The following BLM variants were observed in gnomAD, a reference collection of about 807,000 sequenced individuals.
BLM encodes BLM RecQ like helicase.
In BLM, 95 loss-of-function variants were observed where a neutral mutation model predicts 135.3. That is an observed-to-expected ratio of 0.70 (90% CI 0.59 to 0.83). BLM has a LOEUF of 0.83. Ranked by LOEUF, BLM falls within the 40% of genes least tolerant of loss-of-function variation. The pLI is 0.00. For missense variants in BLM, 1,518 were observed against 1,663.9 expected, an observed-to-expected ratio of 0.91 and a Z score of 1.53; for synonymous variants, 520 against 589.2, an observed-to-expected ratio of 0.88 and a Z score of 1.70.
intron 12 of BLM, 73 bp downstream of exon 12, chr15:90,769,659 C>A: frequency 2.0e-6 from 3 of 1,534,514 alleles, no homozygotes; most frequent in Non-Finnish European, 2.7e-6. Flanking sequence ...GTTAGAATCA[C>A]CTGTGGCGCT....
chr15:90,804,172 C>G lies in BLM; in HGVS notation c.3564C>G (p.Asp1188Glu). The G allele has an allele frequency of 1.9e-6, 3 of 1,613,590 alleles. No individual in the cohort carries two copies. The highest frequency in any genetic ancestry group is 2.5e-6 in the Non-Finnish European group (3 of 1,179,642). The change falls in exon 19 of 22, where the codon GAC becomes GAG. Residue 1188 changes from aspartate to glutamate, a missense_variant. This residue lies in a region of BLM where 626 missense variants were observed against 681.1 expected (regional missense o/e 0.92). Coordinates refer to ENST00000355112, the MANE Select transcript of BLM (RefSeq NM_000057.4). ...TTTGTTTCTCTCTCATAAAGGTAGA[C>G]TTTATGGAAACAGAAAATTCCAGCA... ...QTVLNGNLKV[D>E]FMETENSSSV...
intron 12 of BLM, among the ~76,000 whole-genome samples, chr15:90,770,086 T>C (rs28385043): frequency 0.062 from 9,414 of 152,222 alleles, 380 homozygotes; most frequent in Non-Finnish European, 0.099. Context: ...TTTTTTACTT[T>C]GTTTTCTTCT....
chr15:90,727,169 TG>T (rs1894940737), intron 1 of BLM, among the ~76,000 whole-genome samples: 1 of 152,136 alleles, frequency 6.6e-6, no homozygotes, highest in African/African-American at 2.4e-5. Flanking sequence ...TTTTTGTTTT[TG>T]TTTTTTTAAT....
At position 90,811,210 on chromosome 15, in the gene BLM, G is replaced by A. The variant is rs560132774; in HGVS notation, c.3880G>A (p.Asp1294Asn). Reference protein sequence around the residue: ...KYSEWTSPAEDSSPGISLSSS... With the variant: ...KYSEWTSPAENSSPGISLSSS... Reference sequence around the variant, plus strand: ...TCTGCATTTTCCATTTGTAGCTGAAGACAGTTCCCCAGGGATAAGCCTGTC... The same window carrying A: ...TCTGCATTTTCCATTTGTAGCTGAAAACAGTTCCCCAGGGATAAGCCTGTC... The change falls in exon 21 of 22, where the codon GAC becomes AAC. Residue 1294 changes from aspartate to asparagine, a missense_variant. By Grantham distance (23) the Asp-to-Asn change is conservative (BLOSUM62 1). Around this residue, in one of 5 missense-constraint regions of BLM, gnomAD observed 153 missense variants for 173.4 expected, o/e 0.88. Coordinates refer to ENST00000355112, the MANE Select transcript of BLM (RefSeq NM_000057.4). The A allele has an allele frequency of 1.2e-6, 2 of 1,613,138 alleles. No homozygotes were observed. The highest frequency in any genetic ancestry group is 1.7e-6 in the Non-Finnish European group (2 of 1,180,038).
rs755729489 is a variant in BLM, at chr15:90,739,218, A to AC, written c.-4-8167dup. Among the ~76,000 whole-genome samples the AC allele has an allele frequency of 3.4e-4, 51 of 152,106 alleles. 1 individual carries two copies. The highest frequency in any genetic ancestry group is 5.9e-4 in the Admixed American group (9 of 15,266). On this transcript the variant is annotated intron_variant, in intron 1 of 21. Coordinates refer to ENST00000355112, the MANE Select transcript of BLM (RefSeq NM_000057.4). Reference sequence around the variant, plus strand: ...AGACCAGCCTGGCCAACATGGTGAAACCCCGTCTCTACTAAAAATACAAAA... The same window carrying AC: ...AGACCAGCCTGGCCAACATGGTGAAACCCCCGTCTCTACTAAAAATACAAAA...
chr15:90,761,114 A>G lies in BLM; in HGVS notation c.1741A>G (p.Thr581Ala), dbSNP rs587778108. The G allele has an allele frequency of 1.7e-5, 27 of 1,543,894 alleles. No individual in the cohort carries two copies. The highest frequency in any genetic ancestry group is 2.3e-5 in the Non-Finnish European group (27 of 1,150,776). Reference protein sequence around the residue: ...MHNLAASKSSTAAYQPIKEGR... With the variant: ...MHNLAASKSSAAAYQPIKEGR... ...TAATTTAGCAGCCAGCAAATCTTCC[A>G]CAGCTGCCTATCAACCCATCAAGGA... Residue 581 changes from threonine to alanine, a missense_variant, in exon 7 of 22, where the codon ACA (threonine) becomes GCA (alanine). Physicochemically the swap from Thr to Ala is moderately conservative, Grantham distance 58. Around this residue, in one of 5 missense-constraint regions of BLM, gnomAD observed 724 missense variants for 756.9 expected, o/e 0.96. Coordinates refer to ENST00000355112, the MANE Select transcript of BLM (RefSeq NM_000057.4).
intron 1 of BLM, among the ~76,000 whole-genome samples, chr15:90,729,890 G>A (rs959974077): frequency 5.3e-5 from 8 of 152,126 alleles, no homozygotes; most frequent in Non-Finnish European, 8.8e-5. Flanking sequence ...CTATCGCCCA[G>A]GCTGGAGTGC....
intron 19 of BLM, 93 bp downstream of exon 19, chr15:90,804,452 A>G: frequency 7.4e-7 from 1 of 1,355,884 alleles, no homozygotes; most frequent in African/African-American, 1.4e-5. Context: ...AATATATCTC[A>G]GTGGTTTGTT....
At chr15:90,776,815 C>G (rs1372628941) in intron 12 of BLM, among the ~76,000 whole-genome samples, 1 of 152,122 alleles carries the variant, frequency 6.6e-6, no homozygotes, top group Non-Finnish European at 1.5e-5. Context: ...GCTGGGATTA[C>G]AGGCGTGAGC....
intron 1 of BLM, among the ~76,000 whole-genome samples, chr15:90,746,210 G>A (rs1895498566): frequency 1.3e-5 from 2 of 152,210 alleles, no homozygotes; most frequent in African/African-American, 2.4e-5. Context: ...ATGTATAGCT[G>A]AAACAATATT....
chr15:90,793,046 AATAG>A (rs1323786758), intron 15 of BLM, among the ~76,000 whole-genome samples: 1 of 152,014 alleles, frequency 6.6e-6, no homozygotes, highest in African/African-American at 2.4e-5. Context: ...CAAACAATTT[AATAG>A]ATATTTAAGT....
chr15:90,797,682 A>G (rs2151189825), intron 16 of BLM, among the ~76,000 whole-genome samples: 1 of 152,248 alleles, frequency 6.6e-6, no homozygotes, highest in Middle Eastern at 3.4e-3. Context: ...TAGGGGAGAG[A>G]AAGGCAAAAA....
intron 1 of BLM, among the ~76,000 whole-genome samples, chr15:90,732,923 G>A (rs1895106290): frequency 6.6e-6 from 1 of 152,126 alleles, no homozygotes; most frequent in East Asian, 1.9e-4. Context: ...GTGAAACCCC[G>A]TCTCTACTAA....
chr15:90,746,781 A>T (rs1325062250), intron 1 of BLM, among the ~76,000 whole-genome samples: 2 of 152,152 alleles, frequency 1.3e-5, no homozygotes, highest in African/African-American at 4.8e-5. Context: ...GCTGTTTGTT[A>T]TCCTGGGCTA....
At chr15:90,752,751 T>C (rs1895721414) in intron 4 of BLM, among the ~76,000 whole-genome samples, 1 of 152,210 alleles carries the variant, frequency 6.6e-6, no homozygotes, top group African/African-American at 2.4e-5. Flanking sequence ...AGTGTCAATG[T>C]TACCTTCGTC....
chr15:90,807,805 G>A lies in BLM; in HGVS notation c.3752-1332G>A, dbSNP rs28385145. On this transcript the variant is annotated intron_variant, in intron 19 of 21. Coordinates refer to ENST00000355112, the MANE Select transcript of BLM (RefSeq NM_000057.4). ...ATGCTAATCACAGTATAGTCTTTTT[G>A]AAGACATGTCATGGCAGTTAGACTC... is the stretch of plus-strand genomic sequence containing the variant. Among the ~76,000 whole-genome samples the A allele has an allele frequency of 5.4e-4, 82 of 152,226 alleles. 1 individual carries two copies. The East Asian group carries it at 0.015, about 29-fold the overall frequency.
At chr15:90,805,509 G>A (rs1021002701) in intron 19 of BLM, among the ~76,000 whole-genome samples, 1 of 151,830 alleles carries the variant, frequency 6.6e-6, no homozygotes, top group Non-Finnish European at 1.5e-5. Context: ...CAATGATCTG[G>A]CCGGACACGG....
intron 12 of BLM, among the ~76,000 whole-genome samples, chr15:90,770,167 TC>T (rs35712829): frequency 0.025 from 3,038 of 120,498 alleles, 104 homozygotes; most frequent in Admixed American, 0.1. Flanking sequence ...ATAAAAGAAA[TC>T]CCCCCCCCCT....
intron 3 of BLM, 114 bp downstream of exon 3, chr15:90,750,181 C>T (rs1895644718): frequency 1.7e-6 from 2 of 1,144,942 alleles, no homozygotes; most frequent in African/African-American, 1.5e-5. Context: ...TTGTTAGGGT[C>T]TTTAGTGGTG....
Sources: gnomAD v4.1 joint callset for allele counts (sites outside exome capture counted in the v4.1 genomes callset) on GRCh38, gnomAD v4.1.1 for gene constraint, gnomAD v4.1.1 regional missense constraint, MANE v1.5 for transcripts, NCBI Gene and HGNC (gene_info 2026-07-23, HGNC 2026-07-21) for gene names.